DHX9: variants seen among roughly 807,000 people sequenced by gnomAD.
The protein encoded by DHX9 is DExH-box helicase 9.
Under a neutral mutation model 148.7 loss-of-function variants are expected in DHX9, and 27 were observed. That is an observed-to-expected ratio of 0.18 (90% CI 0.13 to 0.25). The LOEUF (loss-of-function observed/expected upper bound fraction) is 0.25. Ranked by LOEUF, DHX9 falls within the 10% of genes least tolerant of loss-of-function variation. The probability of loss-of-function intolerance (pLI) is 1.00; values close to 1 mark genes in which losing one functional copy is unlikely to be tolerated. For synonymous variants in DHX9, 529 were observed against 516.6 expected (o/e 1.02, Z -0.33); for missense variants, 796 against 1,559.6 (o/e 0.51, Z 8.25).
At chr1:182,840,299 CTTTTTTTTTTTT>C (rs572795237) in intron 1 of DHX9, among the ~76,000 whole-genome samples, 70 of 105,524 alleles carry the variant, frequency 6.6e-4, no homozygotes, top group Admixed American at 2.2e-3. Context: ...ATTCTTGCGC[CTTTTTTTTTTTT>C]TTTTTTTTTG....
chr1:182,864,549 T>C lies in DHX9; in HGVS notation c.1333-1895T>C, dbSNP rs142017288. On this transcript the variant is annotated intron_variant, in intron 12 of 27. Coordinates refer to ENST00000367549, the MANE Select transcript of DHX9 (RefSeq NM_001357.5). ...ACTCCCCTGAAGAAAAATGACAGAT[T>C]TCTAGTCAAATCAACTAGGGATGAA... Among the ~76,000 whole-genome samples, 9 of 152,338 alleles carry C rather than the reference T, an allele frequency of 5.9e-5. No homozygotes were observed. The East Asian group carries it at 1.5e-3, about 26-fold the overall frequency.
chr1:182,852,743 C>G (rs1357545577), intron 4 of DHX9, among the ~76,000 whole-genome samples: 1 of 152,144 alleles, frequency 6.6e-6, no homozygotes, highest in African/African-American at 2.4e-5. Context: ...TTGTTTCCTT[C>G]AATGTTATTA....
chr1:182,880,453 T>C (rs754547414), intron 21 of DHX9, 44 bp from the exon 22 acceptor site: 11 of 1,298,706 alleles, frequency 8.5e-6, no homozygotes, highest in Middle Eastern at 3.7e-4. Context: ...TGCCTAAAAT[T>C]AGTGTTCATT....
Position 182,883,125 on chromosome 1 carries a change from GCTC to G in DHX9, c.2915-10_2915-8del, listed in dbSNP as rs1244153871. On this transcript the variant is annotated splice_polypyrimidine_tract_variant and intron_variant, in intron 24 of 27. Coordinates refer to ENST00000367549, the MANE Select transcript of DHX9 (RefSeq NM_001357.5). ...GTTATCTGATTTTTGTTTTCACTGT[GCTC>G]CTCTTAACAGATTGTTTGTTGACAC... 6.3e-7 allele frequency: 1 copy of G among 1,593,806 alleles called. No individual in the cohort carries two copies. The highest frequency in any genetic ancestry group is 8.6e-7 in the Non-Finnish European group (1 of 1,161,984).
At chr1:182,864,146 C>G (rs1325847249) in intron 12 of DHX9, among the ~76,000 whole-genome samples, 1 of 152,296 alleles carries the variant, frequency 6.6e-6, no homozygotes, top group East Asian at 1.9e-4. Context: ...ATTACAGGGA[C>G]ACACCATCAT....
At chr1:182,884,579 C>A in intron 26 of DHX9, 34 bp from the exon 27 acceptor site, 1 of 1,583,960 alleles carries the variant, frequency 6.3e-7, no homozygotes, top group Non-Finnish European at 8.7e-7. Flanking sequence ...ACATATACTC[C>A]CTCTCTTATT....
chr1:182,856,648 G>A (rs1414993160), intron 7 of DHX9, 70 bp downstream of exon 7: 1 of 1,359,866 alleles, frequency 7.4e-7, no homozygotes, highest in Non-Finnish European at 1.0e-6. Flanking sequence ...TTTAAGTCTT[G>A]AGTCACGTAT....
At chr1:182,880,460 C>CA (rs767285036) in intron 21 of DHX9, 37 bp from the exon 22 acceptor site, 14 of 1,373,752 alleles carry the variant, frequency 1.0e-5, no homozygotes, top group Non-Finnish European at 1.4e-5. Context: ...AATTAGTGTT[C>CA]ATTTGTTTCT....
At chr1:182,880,148 C>T (rs1447524641) in intron 21 of DHX9, among the ~76,000 whole-genome samples, 1 of 152,110 alleles carries the variant, frequency 6.6e-6, no homozygotes, top group Non-Finnish European at 1.5e-5. Flanking sequence ...AGAATTTTCT[C>T]TAGATTTTAT....
intron 1 of DHX9, among the ~76,000 whole-genome samples, chr1:182,841,006 A>G (rs986804882): frequency 1.3e-5 from 2 of 152,148 alleles, no homozygotes; most frequent in African/African-American, 4.8e-5. Flanking sequence ...TTAAAGAGAA[A>G]CGACGGGCGG....
At position 182,878,019 on chromosome 1, in the gene DHX9, A is replaced by G; in HGVS notation, c.2199-2A>G. On this transcript the variant is annotated splice_acceptor_variant, in intron 19 of 27. Transcript: ENST00000367549. LOFTEE classifies it high-confidence loss of function. Reference sequence around the variant, plus strand: ...TAGAATTAACCACTTTTTCCTATGTAGGCAGAAAGTGAAACTCTTCACTGC... The same window carrying G: ...TAGAATTAACCACTTTTTCCTATGTGGGCAGAAAGTGAAACTCTTCACTGC... The G allele has an allele frequency of 6.2e-7, 1 of 1,614,074 alleles. No homozygotes were observed. Among genetic ancestry groups the G allele is most frequent in the Non-Finnish European group, 8.5e-7 (1 of 1,179,972 alleles).
intron 26 of DHX9, among the ~76,000 whole-genome samples, 194 bp downstream of exon 26, chr1:182,883,829 C>CGT (rs1217874993): frequency 1.4e-5 from 2 of 141,700 alleles, no homozygotes; most frequent in African/African-American, 6.2e-5. Context: ...AGGCACACCA[C>CGT]CACTATGGAA....
chr1:182,848,640 C>CTAA (rs1188693955), intron 3 of DHX9, among the ~76,000 whole-genome samples: 1 of 152,148 alleles, frequency 6.6e-6, no homozygotes, highest in Non-Finnish European at 1.5e-5. Context: ...CCCATTTCTA[C>CTAA]TTTTAACCCC....
Position 182,884,715 on chromosome 1 carries a change from C to T in DHX9, c.3363C>T (p.Ile1121=), listed in dbSNP as rs1391918531. 6.2e-7 allele frequency: 1 copy of T among 1,614,170 alleles called. No homozygotes were observed. The highest frequency in any genetic ancestry group is 1.7e-5 in the Admixed American group (1 of 60,010). The change falls in exon 27 of 28, where the codon ATC becomes ATT. Residue 1121 remains isoleucine (I), a synonymous_variant. Coordinates refer to ENST00000367549, the MANE Select transcript of DHX9 (RefSeq NM_001357.5). ...VVEVTKQPAI[I]SQLDPVNERM... ...AAGTAACCAAACAACCTGCTATCAT[C>T]AGCCAGTTGGACCCCGTAAATGAAC...
At chr1:182,873,407 A>G (rs1490157731) in intron 15 of DHX9, among the ~76,000 whole-genome samples, 3 of 152,358 alleles carry the variant, frequency 2.0e-5, no homozygotes, top group South Asian at 2.1e-4. Context: ...TGTTATGGCT[A>G]TGCCAGCATG....
chr1:182,874,424 C>G (rs1290844295), intron 15 of DHX9, among the ~76,000 whole-genome samples: 1 of 152,174 alleles, frequency 6.6e-6, no homozygotes, highest in East Asian at 1.9e-4. Context: ...CATAATTGAT[C>G]AACAGATCTT....
At chr1:182,883,114 G>A (rs1649164335) in intron 24 of DHX9, 25 bp from the exon 25 acceptor site, 5 of 1,545,116 alleles carry the variant, frequency 3.2e-6, no homozygotes, top group Non-Finnish European at 3.6e-6. Flanking sequence ...TCTGATTTTT[G>A]TTTTCACTGT....
At chr1:182,860,412 A>T (rs150056335) in intron 12 of DHX9, 58 of 297,188 alleles carry the variant, frequency 2.0e-4, no homozygotes, top group African/African-American at 1.2e-3. Context: ...TGGGCTAAAG[A>T]GTCTCTGGGC....
intron 3 of DHX9, among the ~76,000 whole-genome samples, chr1:182,850,126 C>A (rs1199871522): frequency 2.0e-5 from 3 of 151,684 alleles, no homozygotes; most frequent in African/African-American, 7.3e-5. Flanking sequence ...TTTTTTTAAC[C>A]TTCCTCTTGG....
Sources: gnomAD v4.1 joint callset for allele counts (sites outside exome capture counted in the v4.1 genomes callset) on GRCh38, gnomAD v4.1.1 for gene constraint, MANE v1.5 for transcripts, NCBI Gene and HGNC (gene_info 2026-07-23, HGNC 2026-07-21) for gene names.